RRAGD: variants seen among roughly 807,000 people sequenced by gnomAD.
RRAGD encodes ras-related GTP-binding protein D.
A neutral mutation model predicts 35.5 loss-of-function variants in RRAGD; 12 were observed. The observed-to-expected ratio is 0.34, with a 90% CI of 0.22 to 0.55. The LOEUF is 0.55. RRAGD is among the 20% of genes least tolerant of loss of function. The pLI is 0.91. For missense variants in RRAGD, 324 were observed against 490.1 expected (o/e 0.66, Z 3.20); for synonymous variants, 155 against 178.9 (o/e 0.87, Z 1.07).
intron 1 of RRAGD, among the ~76,000 whole-genome samples, chr6:89,409,084 A>C (rs1769645171): frequency 6.6e-6 from 1 of 152,216 alleles, no homozygotes; most frequent in Non-Finnish European, 1.5e-5. Flanking sequence ...GTGCAATTTA[A>C]GTCTCACCTT....
At chr6:89,402,425 C>T (rs1032784758) in intron 1 of RRAGD, among the ~76,000 whole-genome samples, 1 of 152,068 alleles carries the variant, frequency 6.6e-6, no homozygotes, top group Non-Finnish European at 1.5e-5. Context: ...GACTCCCTTG[C>T]GGGTCCCAGT....
chr6:89,386,758 G>A (rs1316766102), intron 2 of RRAGD, among the ~76,000 whole-genome samples: 1 of 152,056 alleles, frequency 6.6e-6, no homozygotes, highest in African/African-American at 2.4e-5. Flanking sequence ...GATATATGAA[G>A]TGGAAAAAAT....
chr6:89,377,597 T>C (rs777659983), intron 5 of RRAGD, 74 bp downstream of exon 5: 2 of 1,336,344 alleles, frequency 1.5e-6, no homozygotes, highest in Non-Finnish European at 1.0e-6. Flanking sequence ...AGTAAGTAAA[T>C]GTAAATGCAA....
At chr6:89,399,346 T>G (rs772477868) in intron 1 of RRAGD, among the ~76,000 whole-genome samples, 1 of 152,144 alleles carries the variant, frequency 6.6e-6, no homozygotes, top group Non-Finnish European at 1.5e-5. Context: ...CCTGCCAAAT[T>G]CAATCATGGG....
intron 1 of RRAGD, among the ~76,000 whole-genome samples, chr6:89,388,977 G>A (rs948076086): frequency 2.6e-5 from 4 of 152,206 alleles, no homozygotes; most frequent in African/African-American, 9.7e-5. Context: ...GATCTGACAG[G>A]AGGCAGAGCT....
Position 89,377,723 on chromosome 6 carries a change from C to CATAGGTTTG in RRAGD, c.841_849dup (p.Gln281_Tyr283dup). The CATAGGTTTG allele has an allele frequency of 1.2e-6, 2 of 1,612,678 alleles. No individual in the cohort carries two copies. Among genetic ancestry groups the CATAGGTTTG allele is most frequent in the Non-Finnish European group, 1.7e-6 (2 of 1,179,432 alleles). On this transcript the variant is annotated inframe_insertion, in exon 5 of 7. Coordinates refer to ENST00000369415, the MANE Select transcript of RRAGD (RefSeq NM_021244.5). The stretch of plus-strand genomic sequence containing the variant: ...ACATCTATCATATCACAGCAGAGCT[C>CATAGGTTTG]ATAGGTTTGCATATCCACCGGAGTA...
intron 5 of RRAGD, among the ~76,000 whole-genome samples, chr6:89,374,730 CAA>C (rs879770049): frequency 3.1e-5 from 4 of 130,908 alleles, no homozygotes; most frequent in Admixed American, 7.8e-5. Context: ...AACTCCATCT[CAA>C]AAAAAAAAAA....
chr6:89,368,053 CACCT>C lies in RRAGD; in HGVS notation c.1202_*2del, dbSNP rs753157173. ...ATTTCAAAAGACATTCCTGAAACCT[CACCT>C]ACAGCAGCACTCTAGGGGTCCCATT... On this transcript the variant is annotated stop_retained_variant and 3_prime_UTR_variant, in exon 7 of 7. Coordinates refer to ENST00000369415, the MANE Select transcript of RRAGD (RefSeq NM_021244.5). 3.8e-5 allele frequency: 61 copies of C among 1,595,016 alleles called. No homozygotes were observed. The highest frequency in any genetic ancestry group is 5.0e-5 in the Non-Finnish European group (59 of 1,172,106).
chr6:89,397,830 C>T (rs1362549208), intron 1 of RRAGD, among the ~76,000 whole-genome samples: 2 of 152,044 alleles, frequency 1.3e-5, no homozygotes, highest in African/African-American at 2.4e-5. Flanking sequence ...TGGCAAATAG[C>T]GTATCAGTGG....
intron 1 of RRAGD, among the ~76,000 whole-genome samples, chr6:89,387,795 C>A (rs1337497224): frequency 6.6e-6 from 1 of 152,084 alleles, no homozygotes; most frequent in Non-Finnish European, 1.5e-5. Context: ...TACTTCCCAC[C>A]AGGCAAAGGG....
chr6:89,372,465 A>G lies in RRAGD; in HGVS notation c.1023T>C (p.Phe341=). ...TTCTTTCAAAGCTTTCCTCTCTGAC[A>G]AAGCAAACGAGAGCCAGGAACTTTG... is the stretch of plus-strand genomic sequence containing the variant. ...EVTKFLALVC[F]VREESFERKG... The change falls in exon 6 of 7, where the codon TTT becomes TTC. Residue 341 remains phenylalanine (F), a synonymous_variant. Transcript: ENST00000369415. 1 of 1,613,696 alleles carries G rather than the reference A, an allele frequency of 6.2e-7. No homozygotes were observed. Among genetic ancestry groups the G allele is most frequent in the Non-Finnish European group, 8.5e-7 (1 of 1,179,880 alleles).
intron 5 of RRAGD, 71 bp downstream of exon 5, chr6:89,377,600 A>G (rs918669746): frequency 2.2e-6 from 3 of 1,357,126 alleles, no homozygotes; most frequent in African/African-American, 3.0e-5. Context: ...AAGTAAATGT[A>G]AATGCAAAAT....
Position 89,370,816 on chromosome 6 carries a change from T to C in RRAGD, c.1051+1621A>G, listed in dbSNP as rs1768842211. The stretch of plus-strand genomic sequence containing the variant: ...CATCATACAATCTATCATAGTCCTT[T>C]TAGAAAATGCATATGCAAGAAAGGA... On this transcript the variant is annotated intron_variant, in intron 6 of 6. Coordinates refer to ENST00000369415, the MANE Select transcript of RRAGD (RefSeq NM_021244.5). 2.0e-5 allele frequency among the ~76,000 whole-genome samples: 3 copies of C among 152,148 alleles called. No individual in the cohort carries two copies. The South Asian group carries it at 6.2e-4, about 31-fold the overall frequency.
At chr6:89,372,693 T>A in intron 5 of RRAGD, 108 bp from the exon 6 acceptor site, 3 of 1,138,594 alleles carry the variant, frequency 2.6e-6, no homozygotes, top group Non-Finnish European at 3.7e-6. Flanking sequence ...AATCATAAGT[T>A]GTTTACACTT....
At chr6:89,384,141 G>T (rs1285889037) in intron 2 of RRAGD, among the ~76,000 whole-genome samples, 1 of 151,524 alleles carries the variant, frequency 6.6e-6, no homozygotes, top group Non-Finnish European at 1.5e-5. Flanking sequence ...ACACTCAAGT[G>T]CTGTGGAGAC....
At chr6:89,395,969 C>CA (rs5878095) in intron 1 of RRAGD, among the ~76,000 whole-genome samples, 99,638 of 145,638 alleles carry the variant, frequency 0.68, 34,527 homozygotes, top group African/African-American at 0.86. Flanking sequence ...ATCCATATGC[C>CA]AAAAAAAAAA....
At chr6:89,396,728 ATTTTTTTTTTTTT>A (rs1160973684) in intron 1 of RRAGD, among the ~76,000 whole-genome samples, 9 of 76,394 alleles carry the variant, frequency 1.2e-4, no homozygotes, top group Non-Finnish European at 1.6e-4. Context: ...CAATGACCCA[ATTTTTTTTTTTTT>A]TTTTTTTTTT....
At chr6:89,396,951 G>C (rs1428321239) in intron 1 of RRAGD, among the ~76,000 whole-genome samples, 1 of 151,700 alleles carries the variant, frequency 6.6e-6, no homozygotes, top group Non-Finnish European at 1.5e-5. Context: ...ATGTCGGCCA[G>C]GCTGGTCTCG....
At chr6:89,409,110 T>G (rs1168339791) in intron 1 of RRAGD, among the ~76,000 whole-genome samples, 1 of 152,210 alleles carries the variant, frequency 6.6e-6, no homozygotes, top group Non-Finnish European at 1.5e-5. Context: ...CCCTATGTTT[T>G]CAAACTCAGT....
Sources: allele counts gnomAD v4.1 joint callset (sites outside exome capture counted in the v4.1 genomes callset), GRCh38; gene constraint gnomAD v4.1.1; transcripts MANE v1.5; gene names NCBI Gene and HGNC (gene_info 2026-07-23, HGNC 2026-07-21).